Variants in FOXO3 observed in about 807,000 individuals in gnomAD.
FOXO3 encodes forkhead box protein O3.
A neutral mutation model predicts 41.9 loss-of-function variants in FOXO3; 4 were observed. That is an observed-to-expected ratio of 0.10 (90% CI 0.05 to 0.22). The LOEUF is 0.22. Among genes scored for constraint, FOXO3 ranks in the 10% least tolerant of loss-of-function variants. FOXO3 has a pLI of 1.00. For synonymous variants in FOXO3, 318 were observed against 389.3 expected (o/e 0.82, Z 2.16); for missense variants, 534 against 906.8 (o/e 0.59, Z 5.28).
intron 1 of FOXO3, among the ~76,000 whole-genome samples, chr6:108,647,175 A>G (rs1778416413): frequency 6.6e-6 from 1 of 152,264 alleles, no homozygotes; most frequent in African/African-American, 2.4e-5. Flanking sequence ...TATAGTAAGA[A>G]TACCTCACTG....
intron 2 of FOXO3, among the ~76,000 whole-genome samples, chr6:108,677,811 C>G (rs1770675034): frequency 6.6e-6 from 1 of 152,072 alleles, no homozygotes; most frequent in Non-Finnish European, 1.5e-5. Flanking sequence ...CTTTAGCAAG[C>G]TACGGTCTTC....
intron 1 of FOXO3, among the ~76,000 whole-genome samples, chr6:108,612,297 A>C (rs908702814): frequency 1.3e-5 from 2 of 152,162 alleles, no homozygotes; most frequent in African/African-American, 4.8e-5. Flanking sequence ...ATTGACCTTA[A>C]TGTTGTAACT....
intron 1 of FOXO3, among the ~76,000 whole-genome samples, chr6:108,642,703 C>T (rs977664388): frequency 2.0e-5 from 3 of 152,086 alleles, no homozygotes; most frequent in Admixed American, 6.5e-5. Context: ...GGCTAGCAAA[C>T]GACAGGAGAT....
At chr6:108,653,624 C>T (rs1778607334) in intron 1 of FOXO3, among the ~76,000 whole-genome samples, 1 of 152,128 alleles carries the variant, frequency 6.6e-6, no homozygotes, top group African/African-American at 2.4e-5. Context: ...CCAGCTATTG[C>T]TATTTTTACT....
intron 1 of FOXO3, among the ~76,000 whole-genome samples, chr6:108,649,477 A>G (rs12209092): frequency 0.099 from 14,723 of 148,812 alleles, 735 homozygotes; most frequent in East Asian, 0.16. Context: ...TGTTAATCTT[A>G]TAAGTAGCTG....
At chr6:108,595,713 T>C (rs1293262832) in intron 1 of FOXO3, among the ~76,000 whole-genome samples, 1 of 152,174 alleles carries the variant, frequency 6.6e-6, no homozygotes, top group Non-Finnish European at 1.5e-5. Context: ...CCTAAGACTT[T>C]AGGATAAAAT....
At chr6:108,627,439 A>C (rs1406456354) in intron 1 of FOXO3, among the ~76,000 whole-genome samples, 1 of 152,172 alleles carries the variant, frequency 6.6e-6, no homozygotes, top group Non-Finnish European at 1.5e-5. Flanking sequence ...ATAATGCAAA[A>C]ACAAACAAAC....
At chr6:108,590,495 G>C (rs1367568501) in intron 1 of FOXO3, among the ~76,000 whole-genome samples, 2 of 152,148 alleles carry the variant, frequency 1.3e-5, no homozygotes, top group East Asian at 3.8e-4. Flanking sequence ...TTATCTTCAG[G>C]CTATGTGTAT....
At chr6:108,665,586 A>G (rs1229651543) in intron 2 of FOXO3, among the ~76,000 whole-genome samples, 1 of 152,186 alleles carries the variant, frequency 6.6e-6, no homozygotes, top group Non-Finnish European at 1.5e-5. Context: ...ACTATGGGAG[A>G]CTGAAGCAGG....
intron 1 of FOXO3, among the ~76,000 whole-genome samples, chr6:108,590,995 A>G (rs2128362990): frequency 6.6e-6 from 1 of 152,310 alleles, no homozygotes; most frequent in African/African-American, 2.4e-5. Context: ...GAGGCAGAGT[A>G]GACAGGCAAC....
At chr6:108,588,073 A>G (rs559818275) in intron 1 of FOXO3, among the ~76,000 whole-genome samples, 12 of 151,846 alleles carry the variant, frequency 7.9e-5, no homozygotes, top group African/African-American at 2.9e-4. Context: ...CATAATTTCA[A>G]AGGCAACTTT....
chr6:108,587,974 G>A (rs1333352462), intron 1 of FOXO3, among the ~76,000 whole-genome samples: 1 of 152,178 alleles, frequency 6.6e-6, no homozygotes, highest in Non-Finnish European at 1.5e-5. Flanking sequence ...CTAGCTTCTT[G>A]TCTGTGTAGC....
intron 1 of FOXO3, among the ~76,000 whole-genome samples, chr6:108,652,250 C>T (rs1253275165): frequency 6.6e-6 from 1 of 152,176 alleles, no homozygotes; most frequent in Non-Finnish European, 1.5e-5. Context: ...AAATAGTGAT[C>T]CCAGTTCAGG....
intron 1 of FOXO3, among the ~76,000 whole-genome samples, chr6:108,628,876 TGACCTCTAGG>T (rs1426010336): frequency 1.2e-4 from 18 of 152,150 alleles, no homozygotes; most frequent in African/African-American, 4.1e-4. Flanking sequence ...GGTGGTCTCC[TGACCTCTAGG>T]GACCTCTGAA....
intron 1 of FOXO3, among the ~76,000 whole-genome samples, chr6:108,581,319 A>G (rs1776413889): frequency 6.6e-6 from 1 of 152,140 alleles, no homozygotes; most frequent in Non-Finnish European, 1.5e-5. Context: ...GGATTGGCAA[A>G]TGGGGGTTGA....
chr6:108,587,781 A>T (rs1776623968), intron 1 of FOXO3, among the ~76,000 whole-genome samples: 1 of 152,264 alleles, frequency 6.6e-6, no homozygotes, highest in South Asian at 2.1e-4. Context: ...CCCTGATGGT[A>T]CATTTGGTTC....
At chr6:108,603,747 G>C (rs966334185) in intron 1 of FOXO3, among the ~76,000 whole-genome samples, 2 of 152,042 alleles carry the variant, frequency 1.3e-5, no homozygotes, top group Admixed American at 1.3e-4. Context: ...ACTAATCCTG[G>C]ACAGCCTTTC....
At chr6:108,568,960 A>G (rs1776018695) in intron 1 of FOXO3, among the ~76,000 whole-genome samples, 1 of 152,278 alleles carries the variant, frequency 6.6e-6, no homozygotes, top group South Asian at 2.1e-4. Context: ...GAAGTTTGCC[A>G]TCTGTATGTA....
intron 2 of FOXO3, among the ~76,000 whole-genome samples, chr6:108,670,475 A>G (rs1427221425): frequency 1.3e-5 from 2 of 151,602 alleles, no homozygotes; most frequent in African/African-American, 4.9e-5. Flanking sequence ...ATAGATCCTC[A>G]AGATAGTGAA....
Sources: allele counts gnomAD v4.1 joint callset (sites outside exome capture counted in the v4.1 genomes callset), GRCh38; gene constraint gnomAD v4.1.1; transcripts MANE v1.5; gene names NCBI Gene and HGNC (gene_info 2026-07-23, HGNC 2026-07-21).